Variants in SV2C observed in about 807,000 individuals in gnomAD.
SV2C encodes synaptic vesicle glycoprotein 2C.
A neutral mutation model predicts 79.7 loss-of-function variants in SV2C; 49 were observed. The ratio of observed to expected loss-of-function variants is 0.61; its 90% confidence interval spans 0.49 to 0.78. The LOEUF is 0.78. SV2C is among the 30% of genes least tolerant of loss of function. SV2C has a pLI of 0.00. For missense variants in SV2C, 833 were observed against 912.9 expected, an observed-to-expected ratio of 0.91 and a Z score of 1.13; for synonymous variants, 334 against 333.2, an observed-to-expected ratio of 1.00 and a Z score of -0.03.
At chr5:76,164,732 G>GTGTGTGTGTGTGTGTGTGTT (rs1202748152) in intron 2 of SV2C, among the ~76,000 whole-genome samples, 72 of 151,598 alleles carry the variant, frequency 4.7e-4, no homozygotes, top group Middle Eastern at 3.4e-3. Context: ...GTGTGTGTGT[G>GTGTGTGTGTGTGTGTGTGTT]TGTGTGTGTG....
At chr5:75,996,122 A>G in the SV2C span, among the ~76,000 whole-genome samples, 1 of 152,176 alleles carries the variant, frequency 6.6e-6, no homozygotes, top group Non-Finnish European at 1.5e-5. Context: ...TTTTAGGTCT[A>G]ACATGTAAGT....
chr5:75,978,291 C>A, the SV2C span, among the ~76,000 whole-genome samples: 1 of 152,174 alleles, frequency 6.6e-6, no homozygotes, highest in African/African-American at 2.4e-5. Flanking sequence ...TACTTTGTAG[C>A]TCTTCTTCGC....
the SV2C span, among the ~76,000 whole-genome samples, chr5:75,982,343 G>T: frequency 6.6e-6 from 1 of 152,062 alleles, no homozygotes; most frequent in Non-Finnish European, 1.5e-5. Flanking sequence ...CATACACATG[G>T]CCAACAATCA....
intron 2 of SV2C, among the ~76,000 whole-genome samples, chr5:76,150,676 T>G (rs1329406137): frequency 7.4e-6 from 1 of 134,508 alleles, no homozygotes; most frequent in African/African-American, 2.9e-5. Flanking sequence ...GTCACTCTGT[T>G]GCCCAGGCTG....
intron 1 of SV2C, among the ~76,000 whole-genome samples, chr5:76,129,669 G>A (rs1156233901): frequency 6.6e-6 from 1 of 152,138 alleles, no homozygotes; most frequent in African/African-American, 2.4e-5. Flanking sequence ...ATGTGGTAAG[G>A]ATACCTGTGG....
At chr5:76,207,160 C>T (rs967669266) in intron 3 of SV2C, among the ~76,000 whole-genome samples, 1 of 127,422 alleles carries the variant, frequency 7.8e-6, no homozygotes, top group African/African-American at 3.0e-5. Flanking sequence ...ATTATAGCCA[C>T]ACTGCAAAAA....
At chr5:76,297,699 G>A (rs1315557396) in intron 9 of SV2C, among the ~76,000 whole-genome samples, 1 of 152,098 alleles carries the variant, frequency 6.6e-6, no homozygotes, top group Non-Finnish European at 1.5e-5. Flanking sequence ...TCTTTTTTAA[G>A]CTGATTGGTC....
chr5:76,330,156 T>C lies in SV2C; in HGVS notation c.*4609T>C, dbSNP rs1342941751. 2 of 152,166 alleles carry C rather than the reference T, an allele frequency of 1.3e-5. No individual in the cohort carries two copies. The highest frequency in any genetic ancestry group is 2.9e-5 in the Non-Finnish European group (2 of 68,040). 9.4% of individuals were successfully genotyped at this position (152,166 alleles called of 1,614,324 possible). A position where few individuals can be genotyped will look rare whatever the true frequency, so the allele number is the denominator to read the frequency against. On this transcript the variant is annotated 3_prime_UTR_variant, in exon 13 of 13. Coordinates refer to ENST00000502798, the MANE Select transcript of SV2C (RefSeq NM_014979.4). ...GGCGTAACAGTTCTCCGTGTGATGT[T>C]CTTTTGCTCTAAATGTTGACCATTC...
the SV2C span, among the ~76,000 whole-genome samples, chr5:76,045,214 G>A: frequency 6.6e-6 from 1 of 152,298 alleles, no homozygotes; most frequent in Admixed American, 6.5e-5. Context: ...TCGAAGATCA[G>A]ATGGTTTTAG....
At chr5:75,918,117 C>T in the SV2C span, among the ~76,000 whole-genome samples, 1 of 152,132 alleles carries the variant, frequency 6.6e-6, no homozygotes, top group Non-Finnish European at 1.5e-5. Flanking sequence ...ATAGTTAAAT[C>T]CTAAGAAATA....
At chr5:76,288,555 C>T (rs1747430914) in intron 6 of SV2C, among the ~76,000 whole-genome samples, 1 of 152,176 alleles carries the variant, frequency 6.6e-6, no homozygotes, top group Non-Finnish European at 1.5e-5. Context: ...TAACTCTTCT[C>T]AGCCAGATGA....
chr5:76,212,812 C>T (rs903794281), intron 4 of SV2C, among the ~76,000 whole-genome samples: 2 of 152,174 alleles, frequency 1.3e-5, no homozygotes, highest in African/African-American at 2.4e-5. Context: ...TGCCCTTGAA[C>T]TCTGGATGGT....
the SV2C span, among the ~76,000 whole-genome samples, chr5:76,063,860 T>C: frequency 6.6e-6 from 1 of 152,174 alleles, no homozygotes; most frequent in Non-Finnish European, 1.5e-5. Context: ...TTACTGAGTG[T>C]TTTTAAAACA....
downstream of SV2C, among the ~76,000 whole-genome samples, chr5:76,338,174 C>A (rs1749364490): frequency 1.3e-5 from 2 of 152,232 alleles, no homozygotes; most frequent in South Asian, 4.1e-4. Flanking sequence ...CAGGCTCCTG[C>A]CCTGCAGCCA....
intron 4 of SV2C, among the ~76,000 whole-genome samples, chr5:76,266,395 A>G (rs1746656895): frequency 6.6e-6 from 1 of 152,062 alleles, no homozygotes. Flanking sequence ...TTCAGTAGAG[A>G]CAGGGTTTCA....
At chr5:75,972,376 C>T in the SV2C span, among the ~76,000 whole-genome samples, 3 of 152,064 alleles carry the variant, frequency 2.0e-5, no homozygotes, top group African/African-American at 7.3e-5. Context: ...AAACTACCAT[C>T]AGAGTGAACA....
the SV2C span, among the ~76,000 whole-genome samples, chr5:76,003,525 G>A: frequency 6.6e-5 from 10 of 152,104 alleles, no homozygotes; most frequent in South Asian, 2.1e-4. Context: ...TTTGGGAACC[G>A]TGAAATCCTT....
Position 76,163,709 on chromosome 5 carries a change from C to T in SV2C, c.581-31210C>T, listed in dbSNP as rs547798417. Among the ~76,000 whole-genome samples, 4 of 152,262 alleles carry T rather than the reference C, an allele frequency of 2.6e-5. No homozygotes were observed. In the South Asian group the frequency reaches 6.2e-4, roughly 24 times the overall value. On this transcript the variant is annotated intron_variant, in intron 2 of 12. Transcript: ENST00000502798. ...ACAGATTAAACATTTTAAGAATTTTCGTAATGAAAACCAAATAAGACCTAT... is the reference window on the plus strand; with the variant it reads ...ACAGATTAAACATTTTAAGAATTTTTGTAATGAAAACCAAATAAGACCTAT...
the SV2C span, among the ~76,000 whole-genome samples, chr5:76,001,898 A>T: frequency 6.6e-6 from 1 of 152,070 alleles, no homozygotes; most frequent in Non-Finnish European, 1.5e-5. Flanking sequence ...TACACCCGTC[A>T]CCTGAGCAGG....
Sources: gnomAD v4.1 joint callset for allele counts (sites outside exome capture counted in the v4.1 genomes callset) on GRCh38, gnomAD v4.1.1 for gene constraint, MANE v1.5 for transcripts, NCBI Gene and HGNC (gene_info 2026-07-23, HGNC 2026-07-21) for gene names.